The following F13A1 variants were observed in gnomAD, a reference collection of about 807,000 sequenced individuals.
F13A1 encodes the protein FSF, A subunit.
In F13A1, 47 loss-of-function variants were observed where a neutral mutation model predicts 80.1. That is an observed-to-expected ratio of 0.59 (90% confidence interval 0.46 to 0.75). F13A1 has a LOEUF of 0.75. Among genes scored for constraint, F13A1 ranks in the 30% least tolerant of loss-of-function variants. The pLI is 0.00. For synonymous variants in F13A1, 349 were observed against 344.9 expected (o/e 1.01, Z -0.13); for missense variants, 817 against 930.4 (o/e 0.88, Z 1.59).
chr6:6,170,572 C>T (rs1305140865), intron 12 of F13A1, among the ~76,000 whole-genome samples: 2 of 152,174 alleles, frequency 1.3e-5, no homozygotes, highest in Non-Finnish European at 2.9e-5. Context: ...TGGGGAAAGC[C>T]AAGGGAGACA....
chr6:6,170,991 C>T (rs1478398686), intron 12 of F13A1, among the ~76,000 whole-genome samples: 2 of 152,122 alleles, frequency 1.3e-5, no homozygotes, highest in African/African-American at 4.8e-5. Context: ...TTCCTATGGA[C>T]TCAGGCATAG....
intron 6 of F13A1, among the ~76,000 whole-genome samples, chr6:6,231,576 A>C (rs149719492): frequency 0.018 from 2,759 of 152,330 alleles, 41 homozygotes; most frequent in African/African-American, 0.027. Context: ...AGCACAAACA[A>C]CACCCAGGAA....
At chr6:6,223,327 T>A (rs1013458620) in intron 7 of F13A1, among the ~76,000 whole-genome samples, 1 of 152,226 alleles carries the variant, frequency 6.6e-6, no homozygotes, top group South Asian at 2.1e-4. Context: ...TTTATCTTGT[T>A]GTGAGCCGGA....
At chr6:6,163,445 G>A (rs528419003) in intron 13 of F13A1, among the ~76,000 whole-genome samples, 3 of 152,142 alleles carry the variant, frequency 2.0e-5, no homozygotes, top group African/African-American at 7.2e-5. Flanking sequence ...ATTAAACCTA[G>A]TAGCCATTAG....
chr6:6,147,168 G>T (rs1003730846), intron 14 of F13A1, among the ~76,000 whole-genome samples: 1 of 152,170 alleles, frequency 6.6e-6, no homozygotes, highest in African/African-American at 2.4e-5. Flanking sequence ...GGGGAAAGGT[G>T]GGAGGGATAA....
At chr6:6,319,458 A>G (rs1758739185) in intron 1 of F13A1, among the ~76,000 whole-genome samples, 1 of 152,204 alleles carries the variant, frequency 6.6e-6, no homozygotes, top group East Asian at 1.9e-4. Flanking sequence ...CCATTCCCCA[A>G]GCCTGCTTCC....
At chr6:6,210,324 G>GATATATATATACATATATATAT (rs1761580899) in intron 8 of F13A1, among the ~76,000 whole-genome samples, 4 of 82,906 alleles carry the variant, frequency 4.8e-5, no homozygotes, top group Non-Finnish European at 7.0e-5. Flanking sequence ...TGTAGCATGT[G>GATATATATATACATATATATAT]ATATATATAT....
intron 13 of F13A1, among the ~76,000 whole-genome samples, chr6:6,152,858 T>C (rs1457903654): frequency 1.3e-5 from 2 of 152,204 alleles, no homozygotes; most frequent in Non-Finnish European, 1.5e-5. Flanking sequence ...GAGCTATGTA[T>C]ACCAAATGAA....
intron 6 of F13A1, among the ~76,000 whole-genome samples, chr6:6,234,866 A>G (rs1418993672): frequency 1.3e-5 from 2 of 152,002 alleles, no homozygotes; most frequent in Non-Finnish European, 2.9e-5. Flanking sequence ...AAAACTTAAA[A>G]TTAAATAGAA....
intron 8 of F13A1, among the ~76,000 whole-genome samples, chr6:6,217,638 C>T (rs977187195): frequency 6.6e-6 from 1 of 151,914 alleles, no homozygotes; most frequent in South Asian, 2.1e-4. Context: ...TGTTACTAAC[C>T]TGCACGTTGT....
chr6:6,149,510 C>A (rs1010673496), intron 14 of F13A1, among the ~76,000 whole-genome samples: 6 of 152,110 alleles, frequency 3.9e-5, no homozygotes, highest in African/African-American at 1.2e-4. Flanking sequence ...GAGGGTGGGG[C>A]TCATGATGGG....
chr6:6,191,647 A>C (rs1239964639), intron 10 of F13A1, among the ~76,000 whole-genome samples: 3 of 152,194 alleles, frequency 2.0e-5, no homozygotes, highest in African/African-American at 7.2e-5. Context: ...GCTCTTCACC[A>C]CTGAGGCTAG....
At chr6:6,224,150 T>G (rs746532754) in intron 7 of F13A1, among the ~76,000 whole-genome samples, 1 of 152,094 alleles carries the variant, frequency 6.6e-6, no homozygotes. Flanking sequence ...TATGTTCTGA[T>G]CTCTAATTGC....
chr6:6,242,721 A>G (rs1431087642), intron 6 of F13A1, among the ~76,000 whole-genome samples: 2 of 152,048 alleles, frequency 1.3e-5, no homozygotes, highest in Non-Finnish European at 2.9e-5. Context: ...CCTCTACTAC[A>G]TTTTTCTTCA....
At chr6:6,239,906 G>C (rs1325607520) in intron 6 of F13A1, among the ~76,000 whole-genome samples, 2 of 152,114 alleles carry the variant, frequency 1.3e-5, no homozygotes, top group Non-Finnish European at 2.9e-5. Context: ...GAGGAGACAG[G>C]GGAAAGAAAG....
chr6:6,207,691 G>T (rs1208204846), intron 8 of F13A1, among the ~76,000 whole-genome samples: 2 of 152,186 alleles, frequency 1.3e-5, no homozygotes, highest in African/African-American at 4.8e-5. Flanking sequence ...GTTAATTAAA[G>T]ACTTTCCCCA....
intron 13 of F13A1, among the ~76,000 whole-genome samples, chr6:6,157,628 C>T (rs1257136660): frequency 2.6e-5 from 4 of 152,078 alleles, no homozygotes; most frequent in African/African-American, 9.7e-5. Flanking sequence ...GATTTCTATG[C>T]CAGAGTAAAA....
At position 6,261,034 on chromosome 6, in the gene F13A1, T is replaced by A. The variant is rs560899476; in HGVS notation, c.571+5524A>T. Among the ~76,000 whole-genome samples, 117 of 152,338 alleles carry A rather than the reference T, an allele frequency of 7.7e-4. 1 individual carries two copies. Among genetic ancestry groups the A allele is most frequent in the African/African-American group, 2.6e-3 (109 of 41,574 alleles). Reference sequence around the variant, plus strand: ...CCCAGGCTGGAGTGCAGTGGTACGATCTCGGCTCACTGCAACCTCCGCCTC... The same window carrying A: ...CCCAGGCTGGAGTGCAGTGGTACGAACTCGGCTCACTGCAACCTCCGCCTC... On this transcript the variant is annotated intron_variant, in intron 4 of 14. Transcript: ENST00000264870.
chr6:6,205,373 A>T (rs1761468110), intron 8 of F13A1, among the ~76,000 whole-genome samples: 1 of 152,178 alleles, frequency 6.6e-6, no homozygotes, highest in Non-Finnish European at 1.5e-5. Flanking sequence ...AACCAAATGG[A>T]TGTTGCAACC....
Sources: allele counts gnomAD v4.1 joint callset (sites outside exome capture counted in the v4.1 genomes callset), GRCh38; gene constraint gnomAD v4.1.1; transcripts MANE v1.5; gene names NCBI Gene and HGNC (gene_info 2026-07-23, HGNC 2026-07-21).